Variants in GNPTAB observed in about 807,000 individuals in gnomAD.
The protein encoded by GNPTAB is N-acetylglucosamine-1-phosphate transferase subunits alpha and beta, also known as N-acetylglucosamine-1-phosphotransferase subunits alpha/beta.
GNPTAB carries 92 observed loss-of-function variants against 136.6 expected under a neutral mutation model. That is an observed-to-expected ratio of 0.67 (90% CI 0.57 to 0.80). GNPTAB has a LOEUF of 0.80. Ranked by LOEUF, GNPTAB falls within the 30% of genes least tolerant of loss-of-function variation. GNPTAB has a pLI of 0.00. For missense variants in GNPTAB, 1,343 were observed against 1,501.8 expected, an observed-to-expected ratio of 0.89 and a Z score of 1.75; for synonymous variants, 512 against 535.1, an observed-to-expected ratio of 0.96 and a Z score of 0.60.
chr12:101,759,362 C>CA (rs34183008), intron 16 of GNPTAB, among the ~76,000 whole-genome samples: 13,457 of 50,304 alleles, frequency 0.27, 1,946 homozygotes, highest in East Asian at 0.57. Flanking sequence ...GACTCCGTCT[C>CA]AAAAAAAAAA....
Position 101,761,660 on chromosome 12 carries a change from T to G in GNPTAB, c.2819A>C (p.Lys940Thr). The change falls in exon 14 of 21, where the codon AAA (lysine) becomes ACA (threonine). Residue 940 changes from lysine to threonine, a missense_variant. Physicochemically the swap from Lys to Thr is moderately conservative, Grantham distance 78. Coordinates refer to ENST00000299314, the MANE Select transcript of GNPTAB (RefSeq NM_024312.5). ...TFADSLRYVN[K>T]ILNSKFGFTS... The stretch of plus-strand genomic sequence containing the variant: ...GAATCCAAACTTGCTATTTAGAATT[T>G]TATTTACATATCTGAGGGAATCTGC... The G allele has an allele frequency of 1.9e-6, 3 of 1,614,108 alleles. No individual in the cohort carries two copies. Among genetic ancestry groups the G allele is most frequent in the Non-Finnish European group, 2.5e-6 (3 of 1,179,940 alleles).
At position 101,764,821 on chromosome 12, in the gene GNPTAB, T is replaced by C; in HGVS notation, c.2096A>G (p.Asn699Ser). 1 of 1,614,176 alleles carries C rather than the reference T, an allele frequency of 6.2e-7. No individual in the cohort carries two copies. Among genetic ancestry groups the C allele is most frequent in the Non-Finnish European group, 8.5e-7 (1 of 1,180,020 alleles). Residue 699 changes from asparagine to serine, a missense_variant, in exon 13 of 21, where the codon AAT (asparagine) becomes AGT (serine). Asn to Ser is a conservative substitution (Grantham distance 46). Coordinates refer to ENST00000299314, the MANE Select transcript of GNPTAB (RefSeq NM_024312.5). ...AQEEVKIPLV[N>S]ISLLPKDAQL... ...GGCGTCTTTTGGAAGGAGTGAAATA[T>C]TTACCAGGGGAATTTTCACCTCTTC...
chr12:101,766,186 T>C lies in GNPTAB; in HGVS notation c.1517A>G (p.Asn506Ser), dbSNP rs776297380. 1 of 1,614,080 alleles carries C rather than the reference T, an allele frequency of 6.2e-7. No individual in the cohort carries two copies. The highest frequency in any genetic ancestry group is 2.2e-5 in the East Asian group (1 of 44,886). The part of the protein sequence containing the change: ...GGGINSVSYC[N>S]QGCANSWLAD... ...GAGCCAGGAATTCGCACATCCCTGATTACAGTAAGAGACACTGTTTATTCC... is the reference window on the plus strand; with the variant it reads ...GAGCCAGGAATTCGCACATCCCTGACTACAGTAAGAGACACTGTTTATTCC... The change falls in exon 12 of 21, where the codon AAT becomes AGT. Residue 506 changes from asparagine (N) to serine (S), a missense_variant. Asn to Ser is a conservative substitution (Grantham distance 46, BLOSUM62 1). Coordinates refer to ENST00000299314, the MANE Select transcript of GNPTAB (RefSeq NM_024312.5).
chr12:101,780,048 T>C (rs1953317212), intron 7 of GNPTAB, 104 bp downstream of exon 7: 10 of 1,140,480 alleles, frequency 8.8e-6, no homozygotes, highest in South Asian at 1.2e-5. Flanking sequence ...TTGCTTCTTA[T>C]GTTTATCAGC....
At chr12:101,754,446 A>C (rs1410973083) in intron 18 of GNPTAB, among the ~76,000 whole-genome samples, 1 of 152,192 alleles carries the variant, frequency 6.6e-6, no homozygotes, top group Non-Finnish European at 1.5e-5. Context: ...GATTAAAAAA[A>C]AAAAATCAAA....
chr12:101,782,701 G>C (rs996027111), intron 5 of GNPTAB, among the ~76,000 whole-genome samples: 13 of 152,136 alleles, frequency 8.5e-5, no homozygotes, highest in African/African-American at 2.9e-4. Context: ...GTTAAAGCCA[G>C]GTCCTTGTTA....
At chr12:101,778,575 T>C (rs1953291866) in intron 7 of GNPTAB, 1 of 152,216 alleles carries the variant, frequency 6.6e-6, no homozygotes, top group Non-Finnish European at 1.5e-5. Flanking sequence ...TCAACTCTAA[T>C]ATAGCCAGGC....
intron 17 of GNPTAB, 68 bp from the exon 18 acceptor site, chr12:101,757,378 A>C: frequency 9.7e-7 from 1 of 1,027,280 alleles, no homozygotes; most frequent in Non-Finnish European, 1.5e-6. Flanking sequence ...ACTTCAATAG[A>C]AAATACATTT....
intron 13 of GNPTAB, among the ~76,000 whole-genome samples, chr12:101,762,724 T>A (rs1288424091): frequency 6.6e-6 from 1 of 152,078 alleles, no homozygotes; most frequent in South Asian, 2.1e-4. Flanking sequence ...TATATAACTA[T>A]ACATACATAT....
At chr12:101,762,967 T>A in intron 13 of GNPTAB, among the ~76,000 whole-genome samples, 2 of 144,670 alleles carry the variant, frequency 1.4e-5, no homozygotes, top group South Asian at 4.4e-4. Flanking sequence ...ACGCCTGTAA[T>A]CCCAGCACTT....
intron 5 of GNPTAB, 80 bp downstream of exon 5, chr12:101,785,932 C>T (rs1235753027): frequency 9.7e-7 from 1 of 1,032,714 alleles, no homozygotes; most frequent in East Asian, 2.5e-5. Context: ...AAGAATGAAT[C>T]ATTTCTATTC....
intron 1 of GNPTAB, among the ~76,000 whole-genome samples, chr12:101,808,045 AC>A (rs1158253623): frequency 2.0e-4 from 30 of 152,334 alleles, no homozygotes; most frequent in Admixed American, 1.0e-3. Context: ...CGTAGGCATA[AC>A]TCTAACAAAA....
chr12:101,806,420 G>C (rs1297132103), intron 1 of GNPTAB, among the ~76,000 whole-genome samples: 1 of 152,320 alleles, frequency 6.6e-6, no homozygotes, highest in Non-Finnish European at 1.5e-5. Flanking sequence ...AGAGATGACT[G>C]AGGAATTTAA....
chr12:101,772,208 G>A (rs2031689365), intron 7 of GNPTAB, among the ~76,000 whole-genome samples: 4 of 152,190 alleles, frequency 2.6e-5, no homozygotes, highest in Admixed American at 2.6e-4. Context: ...CATCACTCAG[G>A]AAAAGGGGAG....
intron 20 of GNPTAB, among the ~76,000 whole-genome samples, chr12:101,747,735 G>A (rs535654444): frequency 2.9e-4 from 23 of 78,960 alleles, no homozygotes; most frequent in Admixed American, 2.6e-3. Flanking sequence ...TGGGAGGGGA[G>A]GAAGAGGCAG....
intron 13 of GNPTAB, among the ~76,000 whole-genome samples, chr12:101,763,918 T>C (rs1953041541): frequency 1.3e-5 from 2 of 152,184 alleles, no homozygotes; most frequent in Non-Finnish European, 2.9e-5. Context: ...ACATGCCACT[T>C]CCCACTCTCC....
intron 1 of GNPTAB, among the ~76,000 whole-genome samples, chr12:101,814,981 G>C (rs1453788451): frequency 6.6e-6 from 1 of 152,182 alleles, no homozygotes; most frequent in Non-Finnish European, 1.5e-5. Flanking sequence ...AACTAGGTTT[G>C]AACTTAAGGA....
At chr12:101,792,097 G>C (rs1055458773) in intron 2 of GNPTAB, among the ~76,000 whole-genome samples, 2 of 151,960 alleles carry the variant, frequency 1.3e-5, no homozygotes. Context: ...GGGGAGGCGG[G>C]GCGGTCAGTT....
rs193281249 is a variant in GNPTAB at position 101,752,681 on chromosome 12, G to A, written c.3602+691C>T. 1.7e-3 allele frequency among the ~76,000 whole-genome samples: 255 copies of A among 152,214 alleles called. 4 individuals are homozygous for A. Among genetic ancestry groups the A allele is most frequent in the African/African-American group, 5.9e-3 (246 of 41,536 alleles). On this transcript the variant is annotated intron_variant, in intron 19 of 20. Transcript: ENST00000299314. ...CCCTTCTCACCACTTCTGAGATTCT[G>A]CCTTCAGGACTTAGTTTAATTCATT...
Sources: allele counts gnomAD v4.1 joint callset (sites outside exome capture counted in the v4.1 genomes callset), GRCh38; gene constraint gnomAD v4.1.1; transcripts MANE v1.5; gene names NCBI Gene and HGNC (gene_info 2026-07-23, HGNC 2026-07-21).